GALNT13: variants seen among roughly 807,000 people sequenced by gnomAD.
GALNT13 encodes UDP-GalNAc:polypeptide N-acetylgalactosaminyltransferase 13.
Under a neutral mutation model 64.2 loss-of-function variants are expected in GALNT13, and 28 were observed. The observed-to-expected ratio is 0.44, with a 90% CI of 0.32 to 0.60. The LOEUF (loss-of-function observed/expected upper bound fraction) is 0.60, where lower values mean the gene tolerates loss of function less well. GALNT13 is among the 20% of genes least tolerant of loss of function. The pLI, the probability that GALNT13 is intolerant of heterozygous loss-of-function variation, is 0.05. For synonymous variants in GALNT13, 214 were observed against 224.6 expected, an observed-to-expected ratio of 0.95 and a Z score of 0.42; for missense variants, 577 against 669.8, an observed-to-expected ratio of 0.86 and a Z score of 1.53.
At chr2:153,316,639 CAAA>C in the GALNT13 span, among the ~76,000 whole-genome samples, 9 of 69,852 alleles carry the variant, frequency 1.3e-4, 1 homozygote, top group African/African-American at 1.7e-4. Context: ...GACTCCGTCT[CAAA>C]AAAAAAAAAA....
At chr2:154,195,585 T>A (rs1686833435) in intron 4 of GALNT13, among the ~76,000 whole-genome samples, 3 of 152,176 alleles carry the variant, frequency 2.0e-5, no homozygotes, top group Non-Finnish European at 1.5e-5. Flanking sequence ...TTGCTCCTTA[T>A]ACTTCAGATT....
At chr2:153,846,302 A>G in the GALNT13 span, among the ~76,000 whole-genome samples, 1 of 152,266 alleles carries the variant, frequency 6.6e-6, no homozygotes, top group African/African-American at 2.4e-5. Context: ...TGTAATATAC[A>G]CAAGGAAGAA....
At chr2:153,782,200 G>A in the GALNT13 span, among the ~76,000 whole-genome samples, 1 of 152,116 alleles carries the variant, frequency 6.6e-6, no homozygotes, top group African/African-American at 2.4e-5. Context: ...ATGCCTTCAT[G>A]CATTGATTTT....
chr2:153,739,705 A>G, the GALNT13 span, among the ~76,000 whole-genome samples: 10 of 150,726 alleles, frequency 6.6e-5, no homozygotes, highest in African/African-American at 2.4e-4. Context: ...ATGTTATCAC[A>G]TAAACTTACT....
At chr2:153,976,756 C>T (rs1458293976) in intron 3 of GALNT13, among the ~76,000 whole-genome samples, 1 of 151,906 alleles carries the variant, frequency 6.6e-6, no homozygotes, top group Non-Finnish European at 1.5e-5. Flanking sequence ...CATTTAATTC[C>T]ATATTACTAA....
the GALNT13 span, among the ~76,000 whole-genome samples, chr2:153,819,882 C>T: frequency 2.7e-3 from 418 of 152,326 alleles, 2 homozygotes; most frequent in Non-Finnish European, 4.6e-3. Context: ...CAAAGGATCA[C>T]TCTAGCTCTT....
chr2:153,218,464 G>A, the GALNT13 span, among the ~76,000 whole-genome samples: 1 of 152,068 alleles, frequency 6.6e-6, no homozygotes, highest in African/African-American at 2.4e-5. Context: ...GTTTTTACCA[G>A]TGCCCTAAGA....
chr2:153,316,755 A>G, the GALNT13 span, among the ~76,000 whole-genome samples: 2 of 152,156 alleles, frequency 1.3e-5, no homozygotes, highest in African/African-American at 2.4e-5. Context: ...ATGAATAAAC[A>G]TGAGATACTG....
intron 12 of GALNT13, among the ~76,000 whole-genome samples, chr2:154,444,747 A>G (rs572171423): frequency 4.9e-4 from 74 of 152,132 alleles, no homozygotes; most frequent in Non-Finnish European, 9.7e-4. Context: ...CTGAATATCA[A>G]TATATTGATC....
chr2:153,748,056 T>C, the GALNT13 span, among the ~76,000 whole-genome samples: 6 of 152,104 alleles, frequency 3.9e-5, no homozygotes, highest in Non-Finnish European at 8.8e-5. Context: ...AAAATATTAG[T>C]TTGGTGCAAA....
At chr2:154,291,081 A>G (rs1009615161) in intron 8 of GALNT13, among the ~76,000 whole-genome samples, 1 of 152,038 alleles carries the variant, frequency 6.6e-6, no homozygotes, top group African/African-American at 2.4e-5. Context: ...AACCTTCCAC[A>G]GCGTGGAAAG....
At chr2:153,787,639 A>C in the GALNT13 span, among the ~76,000 whole-genome samples, 1 of 152,200 alleles carries the variant, frequency 6.6e-6, no homozygotes. Flanking sequence ...ATGGATAAGA[A>C]TAAAAATCAA....
At chr2:154,158,400 C>T (rs1684545899) in intron 4 of GALNT13, among the ~76,000 whole-genome samples, 1 of 152,168 alleles carries the variant, frequency 6.6e-6, no homozygotes, top group African/African-American at 2.4e-5. Flanking sequence ...TTCCCTGCTA[C>T]TATTAATATT....
the GALNT13 span, among the ~76,000 whole-genome samples, chr2:153,650,933 C>T: frequency 6.6e-6 from 1 of 152,088 alleles, no homozygotes; most frequent in African/African-American, 2.4e-5. Flanking sequence ...TTGGGACTAG[C>T]TTTACCAATG....
the GALNT13 span, among the ~76,000 whole-genome samples, chr2:153,555,190 C>CTTTTTT: frequency 2.1e-4 from 22 of 105,188 alleles, no homozygotes; most frequent in African/African-American, 3.7e-4. Context: ...AGAAGCTTTA[C>CTTTTTT]TTTTTTTTTT....
At chr2:153,776,793 G>C in the GALNT13 span, among the ~76,000 whole-genome samples, 28 of 152,288 alleles carry the variant, frequency 1.8e-4, no homozygotes, top group African/African-American at 6.7e-4. Flanking sequence ...CGGGCTTTGT[G>C]CTTTTCCTAG....
At chr2:154,183,464 C>G (rs747205564) in intron 4 of GALNT13, among the ~76,000 whole-genome samples, 1 of 152,124 alleles carries the variant, frequency 6.6e-6, no homozygotes, top group Non-Finnish European at 1.5e-5. Context: ...GTAATCCCAG[C>G]ACTTTGGGAG....
At chr2:154,336,205 G>A (rs1695437764) in intron 9 of GALNT13, among the ~76,000 whole-genome samples, 1 of 151,986 alleles carries the variant, frequency 6.6e-6, no homozygotes, top group Non-Finnish European at 1.5e-5. Context: ...GACTGTGTGG[G>A]GCAATCCAAA....
the GALNT13 span, among the ~76,000 whole-genome samples, chr2:153,828,451 G>A: frequency 6.6e-6 from 1 of 152,190 alleles, no homozygotes; most frequent in African/African-American, 2.4e-5. Flanking sequence ...CCATGTGAAA[G>A]CTGCCACGGC....
Sources: allele counts gnomAD v4.1 joint callset (sites outside exome capture counted in the v4.1 genomes callset), GRCh38; gene constraint gnomAD v4.1.1; transcripts MANE v1.5; gene names NCBI Gene and HGNC (gene_info 2026-07-23, HGNC 2026-07-21).